The following HESX1 variants were observed in gnomAD, a reference collection of about 807,000 sequenced individuals.
The protein encoded by HESX1 is HESX homeobox 1, also known as homeobox expressed in ES cells 1.
A neutral mutation model predicts 22.5 loss-of-function variants in HESX1; 11 were observed. The ratio of observed to expected loss-of-function variants is 0.49; its 90% CI spans 0.31 to 0.81. The LOEUF is 0.81. Among genes scored for constraint, HESX1 ranks in the 30% least tolerant of loss-of-function variants. The pLI is 0.05. For missense variants in HESX1, 201 were observed against 212.6 expected (o/e 0.95, Z 0.34); for synonymous variants, 74 against 76.5 (o/e 0.97, Z 0.17).
chr3:57,203,114 T>G (rs1011003125), upstream of HESX1, among the ~76,000 whole-genome samples: 1 of 152,132 alleles, frequency 6.6e-6, no homozygotes. Context: ...ACCAAAATGA[T>G]AGAATTTGTT....
intron 1 of HESX1, among the ~76,000 whole-genome samples, chr3:57,208,170 A>G (rs770427286): frequency 6.6e-5 from 10 of 152,206 alleles, no homozygotes; most frequent in Non-Finnish European, 4.4e-5. Context: ...GGAATGTTCT[A>G]TATTTTGATA....
upstream of HESX1, among the ~76,000 whole-genome samples, chr3:57,202,930 C>G (rs772238904): frequency 6.6e-6 from 1 of 152,112 alleles, no homozygotes; most frequent in African/African-American, 2.4e-5. Context: ...AAAGGTCTTG[C>G]AGTTGAAAAT....
rs1158778815 is a variant in HESX1, at chr3:57,197,921, T to C, written c.*276A>G. 1 of 268,454 alleles carries C rather than the reference T, an allele frequency of 3.7e-6. No homozygotes were observed. The highest frequency in any genetic ancestry group is 2.2e-5 in the African/African-American group (1 of 44,874). The allele number at this position is 268,454 out of a possible 1,614,324, so 16.6% of individuals were successfully genotyped here. On this transcript the variant is annotated 3_prime_UTR_variant, in exon 4 of 4. Coordinates refer to ENST00000295934, the MANE Select transcript of HESX1 (RefSeq NM_003865.3). ...ATCACTTAGTCATGAGTCTATTGAT[T>C]TTAACAAACTAATTTATTAGATTAA...
At chr3:57,211,658 C>A (rs1373005891) in intron 1 of HESX1, among the ~76,000 whole-genome samples, 2 of 150,600 alleles carry the variant, frequency 1.3e-5, no homozygotes, top group African/African-American at 2.4e-5. Flanking sequence ...CATGGTGAAA[C>A]CCCGTCCCTA....
At chr3:57,205,293 C>A (rs992548999) in intron 1 of HESX1, among the ~76,000 whole-genome samples, 2 of 152,120 alleles carry the variant, frequency 1.3e-5, no homozygotes, top group African/African-American at 4.8e-5. Flanking sequence ...ACCCATAGTC[C>A]CAGCTATTTG....
chr3:57,208,893 G>A (rs573631833), intron 1 of HESX1, among the ~76,000 whole-genome samples: 11 of 151,528 alleles, frequency 7.3e-5, no homozygotes, highest in African/African-American at 2.4e-4. Flanking sequence ...CTGGGGAGGC[G>A]AAGTTGCAGT....
In HESX1 at chr3:57,198,397, T is replaced by G. The variant is rs1297276860; in HGVS notation, c.453A>C (p.Arg151Ser). 1 of 1,593,008 alleles carries G rather than the reference T, an allele frequency of 6.3e-7. No homozygotes were observed. Among genetic ancestry groups the G allele is most frequent in the East Asian group, 2.2e-5 (1 of 44,654 alleles). Residue 151 changes from arginine to serine, a missense_variant, in exon 3 of 4, where the codon AGA (arginine) becomes AGC (serine). Arg to Ser is a moderately radical substitution (Grantham distance 110). Coordinates refer to ENST00000295934, the MANE Select transcript of HESX1 (RefSeq NM_003865.3). ...LAQKLNLEED[R>S]IQIWFQNRRA... is the part of the protein sequence containing the mutation. ...AACTAAATTTGAAAATTACCTGGAT[T>G]CTGTCTTCCTCTAGATTCAATTTTT...
At chr3:57,198,713 A>T (rs201632081) in intron 2 of HESX1, 40 bp downstream of exon 2, 2 of 1,581,992 alleles carry the variant, frequency 1.3e-6, no homozygotes, top group East Asian at 4.5e-5. Flanking sequence ...TGTCAATTAA[A>T]GCCTTTATAT....
chr3:57,227,051 T>C (rs2060650739), upstream of HESX1, among the ~76,000 whole-genome samples: 1 of 152,202 alleles, frequency 6.6e-6, no homozygotes, highest in Non-Finnish European at 1.5e-5. Context: ...AATCAGTGTA[T>C]CCTGATTTTT....
chr3:57,218,439 CTTTTTTTTT>C (rs60734023), intron 1 of HESX1, among the ~76,000 whole-genome samples: 1 of 102,274 alleles, frequency 9.8e-6, no homozygotes, highest in Non-Finnish European at 1.9e-5. Context: ...TGATCTCATT[CTTTTTTTTT>C]TTTTTTTTTT....
chr3:57,204,178 T>C, upstream of HESX1, among the ~76,000 whole-genome samples: 1 of 152,242 alleles, frequency 6.6e-6, no homozygotes, highest in Non-Finnish European at 1.5e-5. Context: ...TTTCTTTTCT[T>C]TTTATTTTAT....
intron 1 of HESX1, among the ~76,000 whole-genome samples, chr3:57,209,118 T>C (rs1367605855): frequency 6.6e-6 from 1 of 152,232 alleles, no homozygotes; most frequent in Non-Finnish European, 1.5e-5. Context: ...GTTCTTCATC[T>C]GAGCTATCCA....
intron 1 of HESX1, among the ~76,000 whole-genome samples, chr3:57,221,415 C>A (rs2060615376): frequency 6.6e-6 from 1 of 152,068 alleles, no homozygotes; most frequent in Non-Finnish European, 1.5e-5. Context: ...CCTCAGCCTC[C>A]CAAAGTGCTG....
intron 1 of HESX1, among the ~76,000 whole-genome samples, chr3:57,212,557 C>CAAAAAAAAAAAAAAAAAAAA (rs56093005): frequency 2.5e-5 from 2 of 80,156 alleles, no homozygotes; most frequent in African/African-American, 5.5e-5. Flanking sequence ...GACTCTGTCT[C>CAAAAAAAAAAAAAAAAAAAA]AAAAAAAAAA....
At chr3:57,219,642 C>G (rs1001777172) in intron 1 of HESX1, among the ~76,000 whole-genome samples, 35 of 152,238 alleles carry the variant, frequency 2.3e-4, no homozygotes, top group African/African-American at 8.2e-4. Flanking sequence ...GCTGGGATTA[C>G]AGGCGTGAGC....
rs988010207 is a variant in HESX1 at position 57,224,224 on chromosome 3, T to C, written c.-111+2072A>G. Among the ~76,000 whole-genome samples, 5 of 152,296 alleles carry C rather than the reference T, an allele frequency of 3.3e-5. No individual in the cohort carries two copies. The East Asian group carries it at 9.6e-4, about 29-fold the overall frequency. ...GTCTTGAACTCTTGACCTCAGGTGATCCACCCGCCTCGGCCTCCCGAAGTG... is the reference window on the plus strand; with the variant it reads ...GTCTTGAACTCTTGACCTCAGGTGACCCACCCGCCTCGGCCTCCCGAAGTG... On this transcript the variant is annotated intron_variant, in intron 1 of 2. Transcript: ENST00000495160.
intron 1 of HESX1, among the ~76,000 whole-genome samples, chr3:57,199,248 G>C (rs994736045): frequency 1.3e-5 from 2 of 152,150 alleles, no homozygotes; most frequent in Non-Finnish European, 2.9e-5. Flanking sequence ...TTTCCTGTGA[G>C]TGAATTTATC....
At chr3:57,199,382 G>T (rs1424841178) in intron 1 of HESX1, among the ~76,000 whole-genome samples, 1 of 152,176 alleles carries the variant, frequency 6.6e-6, no homozygotes, top group South Asian at 2.1e-4. Flanking sequence ...ACTTTGGGAG[G>T]CTGAGGCAGG....
At chr3:57,206,010 G>T (rs986008340) in intron 1 of HESX1, among the ~76,000 whole-genome samples, 2 of 152,074 alleles carry the variant, frequency 1.3e-5, no homozygotes, top group African/African-American at 4.8e-5. Flanking sequence ...GGCCAACATG[G>T]TGAAACAGTG....
Sources: gnomAD v4.1 joint callset for allele counts (sites outside exome capture counted in the v4.1 genomes callset) on GRCh38, gnomAD v4.1.1 for gene constraint, MANE v1.5 for transcripts, NCBI Gene and HGNC (gene_info 2026-07-23, HGNC 2026-07-21) for gene names.